KIF13B: variants seen among roughly 807,000 people sequenced by gnomAD.
The protein encoded by KIF13B is kinesin family member 13B.
KIF13B carries 127 observed loss-of-function variants against 222.0 expected under a neutral mutation model. The ratio of observed to expected loss-of-function variants is 0.57; its 90% CI spans 0.50 to 0.66. The LOEUF is 0.66. Ranked by LOEUF, KIF13B falls within the 30% of genes least tolerant of loss-of-function variation. The probability of loss-of-function intolerance (pLI) is 0.00; values close to 1 mark genes in which losing one functional copy is unlikely to be tolerated. For missense variants in KIF13B, 2,173 were observed against 2,379.0 expected (o/e 0.91, Z 1.80); for synonymous variants, 976 against 919.0 (o/e 1.06, Z -1.12).
intron 2 of KIF13B, among the ~76,000 whole-genome samples, chr8:29,243,356 A>G (rs892575340): frequency 2.0e-5 from 3 of 150,458 alleles, no homozygotes; most frequent in Non-Finnish European, 4.4e-5. Context: ...CTCAAAAAAA[A>G]AAAAAAAATG....
At chr8:29,149,969 T>A (rs1379431081) in intron 15 of KIF13B, among the ~76,000 whole-genome samples, 6 of 150,918 alleles carry the variant, frequency 4.0e-5, no homozygotes, top group Non-Finnish European at 8.9e-5. Context: ...AAAAAATAAA[T>A]AAAAAAAAAG....
At chr8:29,133,172 C>T (rs922932700) in intron 22 of KIF13B, among the ~76,000 whole-genome samples, 2 of 152,098 alleles carry the variant, frequency 1.3e-5, no homozygotes, top group African/African-American at 4.8e-5. Flanking sequence ...ACTTGGGGAC[C>T]CAATAGTCCA....
intron 10 of KIF13B, among the ~76,000 whole-genome samples, chr8:29,174,927 C>G (rs1157562867): frequency 6.6e-6 from 1 of 152,080 alleles, no homozygotes; most frequent in Non-Finnish European, 1.5e-5. Context: ...TCACAAAGGC[C>G]TTTTTCTAAA....
At chr8:29,095,668 G>A (rs977599193) in intron 36 of KIF13B, among the ~76,000 whole-genome samples, 1 of 152,172 alleles carries the variant, frequency 6.6e-6, no homozygotes, top group Non-Finnish European at 1.5e-5. Flanking sequence ...TTGGGAGGCT[G>A]AGGCAGGAGA....
chr8:29,166,748 T>C (rs1812018403), intron 11 of KIF13B, among the ~76,000 whole-genome samples: 1 of 151,676 alleles, frequency 6.6e-6, no homozygotes, highest in Non-Finnish European at 1.5e-5. Context: ...TAATATTTCA[T>C]TCCACTTTCC....
intron 2 of KIF13B, among the ~76,000 whole-genome samples, chr8:29,228,472 A>AAAAAAAAAATAT: frequency 9.4e-5 from 11 of 117,076 alleles, no homozygotes; most frequent in Admixed American, 8.9e-5. Flanking sequence ...ATCTTAAAAA[A>AAAAAAAAAATAT]ATATATATAT....
chr8:29,150,158 T>A, intron 15 of KIF13B, 139 bp downstream of exon 15: 1 of 584,820 alleles, frequency 1.7e-6, no homozygotes, highest in Admixed American at 2.9e-5. Flanking sequence ...CACACATATA[T>A]AATACACATG....
At chr8:29,171,987 G>T (rs1453209337) in intron 10 of KIF13B, among the ~76,000 whole-genome samples, 1 of 150,868 alleles carries the variant, frequency 6.6e-6, no homozygotes, top group African/African-American at 2.4e-5. Flanking sequence ...CAAACTCCTG[G>T]CCTCAGGTGA....
chr8:29,174,843 G>A (rs959896116), intron 10 of KIF13B, among the ~76,000 whole-genome samples: 6 of 152,166 alleles, frequency 3.9e-5, no homozygotes, highest in African/African-American at 1.2e-4. Context: ...AGTGTGCAGA[G>A]TTTTGAATTA....
intron 24 of KIF13B, among the ~76,000 whole-genome samples, chr8:29,128,894 C>T (rs1563725081): frequency 6.6e-6 from 1 of 152,182 alleles, no homozygotes; most frequent in African/African-American, 2.4e-5. Context: ...AATTTTCAAA[C>T]ATATTAGACT....
chr8:29,102,605 G>A (rs1325853376), intron 35 of KIF13B, among the ~76,000 whole-genome samples: 2 of 152,234 alleles, frequency 1.3e-5, no homozygotes, highest in Admixed American at 6.5e-5. Context: ...GCCAGATACG[G>A]ATTCTTTGGG....
At chr8:29,131,519 A>C (rs1241290186) in intron 23 of KIF13B, among the ~76,000 whole-genome samples, 1 of 152,216 alleles carries the variant, frequency 6.6e-6, no homozygotes, top group Non-Finnish European at 1.5e-5. Context: ...AATGCAAAAA[A>C]GAAAAAGAAA....
At chr8:29,159,626 C>A (rs1366699465) in intron 13 of KIF13B, among the ~76,000 whole-genome samples, 1 of 152,150 alleles carries the variant, frequency 6.6e-6, no homozygotes, top group Non-Finnish European at 1.5e-5. Context: ...GACCTTCCCT[C>A]CATTTACAAA....
chr8:29,256,746 CT>C (rs1244309534), intron 1 of KIF13B, among the ~76,000 whole-genome samples: 2 of 140,658 alleles, frequency 1.4e-5, no homozygotes, highest in Non-Finnish European at 3.0e-5. Flanking sequence ...ACAATTACTA[CT>C]TTTTTTGTTT....
intron 2 of KIF13B, among the ~76,000 whole-genome samples, chr8:29,234,206 A>G (rs1470482512): frequency 6.6e-6 from 1 of 152,148 alleles, no homozygotes; most frequent in African/African-American, 2.4e-5. Flanking sequence ...TTGAAGAGGT[A>G]CTTGCACACC....
intron 26 of KIF13B, among the ~76,000 whole-genome samples, chr8:29,125,785 G>C (rs1810080824): frequency 6.6e-6 from 1 of 151,672 alleles, no homozygotes; most frequent in Non-Finnish European, 1.5e-5. Flanking sequence ...TATGATTCCA[G>C]GAAGTAGGGA....
At chr8:29,126,047 A>G (rs976373232) in intron 26 of KIF13B, among the ~76,000 whole-genome samples, 8 of 151,922 alleles carry the variant, frequency 5.3e-5, no homozygotes, top group Admixed American at 2.6e-4. Flanking sequence ...AGATGGCGCT[A>G]TTGCACTCCA....
chr8:29,228,472 A>AAAAAATATATATATATATATATATATAT, intron 2 of KIF13B, among the ~76,000 whole-genome samples: 1 of 117,068 alleles, frequency 8.5e-6, no homozygotes, highest in African/African-American at 3.3e-5. Context: ...ATCTTAAAAA[A>AAAAAATATATATATATATATATATATAT]ATATATATAT....
At chr8:29,132,187 A>G in intron 23 of KIF13B, 121 bp downstream of exon 23, 1 of 612,496 alleles carries the variant, frequency 1.6e-6, no homozygotes, top group Non-Finnish European at 2.5e-6. Context: ...CAGAGGCTGC[A>G]GTGAGCCAAG....
Sources: allele counts gnomAD v4.1 joint callset (sites outside exome capture counted in the v4.1 genomes callset), GRCh38; gene constraint gnomAD v4.1.1; transcripts MANE v1.5; gene names NCBI Gene and HGNC (gene_info 2026-07-23, HGNC 2026-07-21).